MKLN1: variants seen among roughly 807,000 people sequenced by gnomAD.
MKLN1 encodes muskelin 1.
In MKLN1, 18 loss-of-function variants were observed where a neutral mutation model predicts 99.0. The observed-to-expected ratio is 0.18, with a 90% CI of 0.13 to 0.27. MKLN1 has a LOEUF of 0.27. MKLN1 is among the 10% of genes least tolerant of loss of function. MKLN1 has a pLI of 1.00. For missense variants in MKLN1, 621 were observed against 875.9 expected (o/e 0.71, Z 3.67); for synonymous variants, 288 against 293.2 (o/e 0.98, Z 0.18).
At chr7:131,174,274 T>G (rs1184340870) in intron 2 of MKLN1, among the ~76,000 whole-genome samples, 1 of 152,128 alleles carries the variant, frequency 6.6e-6, no homozygotes, top group Admixed American at 6.6e-5. Flanking sequence ...GCCCCACCCT[T>G]TAAAGACTTT....
At chr7:131,112,680 G>A (rs548718602) in intron 1 of MKLN1, among the ~76,000 whole-genome samples, 14 of 152,166 alleles carry the variant, frequency 9.2e-5, no homozygotes, top group East Asian at 1.9e-4. Context: ...TGGGGCTACA[G>A]GTGCACTCAA....
chr7:131,143,024 C>T (rs2116263546), intron 2 of MKLN1: 1 of 981,662 alleles, frequency 1.0e-6, no homozygotes, highest in African/African-American at 1.7e-5. Flanking sequence ...TCAAATTCTT[C>T]TCTCTGGAGT....
chr7:131,451,649 G>A (rs1796181682), intron 12 of MKLN1, among the ~76,000 whole-genome samples: 1 of 152,132 alleles, frequency 6.6e-6, no homozygotes, highest in African/African-American at 2.4e-5. Context: ...TTAAATCAAT[G>A]GATTGGCAGC....
chr7:131,459,468 C>G (rs1017091907), intron 12 of MKLN1, among the ~76,000 whole-genome samples: 2 of 152,142 alleles, frequency 1.3e-5, no homozygotes, highest in African/African-American at 4.8e-5. Flanking sequence ...TGAGGGAAGA[C>G]AGGCAGGAGG....
intron 4 of MKLN1, among the ~76,000 whole-genome samples, chr7:131,392,555 C>T (rs1794225123): frequency 6.6e-6 from 1 of 151,484 alleles, no homozygotes. Context: ...AGTAGATGCA[C>T]TCTTTCAGAA....
chr7:131,412,996 A>G (rs1794921658), intron 7 of MKLN1, among the ~76,000 whole-genome samples: 1 of 152,236 alleles, frequency 6.6e-6, no homozygotes, highest in South Asian at 2.1e-4. Context: ...TAGCAAACAG[A>G]CAGTAATTGT....
chr7:131,232,299 TTAAG>T (rs1226622339), intron 3 of MKLN1, among the ~76,000 whole-genome samples: 2 of 152,230 alleles, frequency 1.3e-5, no homozygotes, highest in Non-Finnish European at 2.9e-5. Flanking sequence ...AGTGATGTTA[TTAAG>T]TTTTTTCATT....
In MKLN1 at chr7:131,322,719, C is replaced by T. The variant is rs370495589; in HGVS notation, c.-178-52705C>T. Among the ~76,000 whole-genome samples the T allele has an allele frequency of 2.4e-4, 37 of 151,490 alleles. No individual in the cohort carries two copies. The East Asian group carries it at 4.8e-3, about 20-fold the overall frequency. On this transcript the variant is annotated intron_variant, in intron 3 of 7. Transcript: ENST00000416992. ...CCGAGTAGCTGGGACTACAGGCGCC[C>T]GCCACCGCGCCCGGCTAATTTTTTG...
intron 4 of MKLN1, among the ~76,000 whole-genome samples, chr7:131,393,616 GT>G (rs969437046): frequency 2.1e-4 from 29 of 139,282 alleles, no homozygotes; most frequent in African/African-American, 9.4e-4. Context: ...AAAGGTTTTT[GT>G]TTTGTTTTGT....
chr7:131,416,457 T>TAACTTTTC (rs1171665012), intron 8 of MKLN1, among the ~76,000 whole-genome samples: 1 of 151,406 alleles, frequency 6.6e-6, no homozygotes, highest in East Asian at 1.9e-4. Flanking sequence ...AATTAAAATC[T>TAACTTTTC]AACTTTTCAG....
intron 3 of MKLN1, among the ~76,000 whole-genome samples, chr7:131,248,824 C>T (rs561169202): frequency 1.4e-4 from 22 of 152,294 alleles, no homozygotes; most frequent in African/African-American, 5.1e-4. Context: ...GGGCACCTGC[C>T]TCTGCTGAGA....
intron 1 of MKLN1, among the ~76,000 whole-genome samples, chr7:131,120,561 A>AAAG (rs1216003186): frequency 7.9e-5 from 12 of 151,228 alleles, no homozygotes; most frequent in Middle Eastern, 3.2e-3. Context: ...AAAAAAAAAA[A>AAAG]AAAAGAAAAA....
At chr7:131,407,514 A>G (rs1794742546) in intron 6 of MKLN1, among the ~76,000 whole-genome samples, 1 of 151,672 alleles carries the variant, frequency 6.6e-6, no homozygotes. Context: ...AATTTTTCCT[A>G]TTTTTAGAAG....
chr7:131,320,544 A>G (rs1000642775), intron 3 of MKLN1, among the ~76,000 whole-genome samples: 3 of 152,376 alleles, frequency 2.0e-5, no homozygotes, highest in Middle Eastern at 3.4e-3. Flanking sequence ...CTAAAACACC[A>G]AAAGCAATTG....
intron 1 of MKLN1, among the ~76,000 whole-genome samples, chr7:131,370,151 T>C (rs1164137560): frequency 6.6e-6 from 1 of 152,254 alleles, no homozygotes. Context: ...AGATTACTTT[T>C]GTATGATATT....
intron 1 of MKLN1, among the ~76,000 whole-genome samples, chr7:131,349,958 T>TTAC (rs1410814080): frequency 2.6e-5 from 4 of 151,954 alleles, no homozygotes; most frequent in Non-Finnish European, 4.4e-5. Flanking sequence ...TTAGAGATAA[T>TTAC]TACTACATGC....
chr7:131,305,772 G>A (rs1009856056), intron 3 of MKLN1, among the ~76,000 whole-genome samples: 1 of 152,116 alleles, frequency 6.6e-6, no homozygotes, highest in African/African-American at 2.4e-5. Context: ...GCTTACCCCT[G>A]GCACATCACA....
rs59463348 is a variant in MKLN1 at position 131,127,165 on chromosome 7, CAAA to C, written c.-418-15640_-418-15638del. On this transcript the variant is annotated intron_variant, in intron 1 of 7. Coordinates refer to the MKLN1 transcript ENST00000416992. ...GGGTGACAAGAGCAAAACTCCATCT[CAAA>C]AAAAAAAAAAAAAAGAAAGAAAAGA... Among the ~76,000 whole-genome samples the C allele has an allele frequency of 4.3e-3, 421 of 98,712 alleles. 3 individuals carry two copies. Among genetic ancestry groups the C allele is most frequent in the African/African-American group, 0.013 (366 of 29,240 alleles). The allele number at this position is 98,712 out of a possible 152,430, so 64.8% of individuals were successfully genotyped here.
chr7:131,304,116 G>T (rs1798419453), intron 3 of MKLN1, among the ~76,000 whole-genome samples: 1 of 152,204 alleles, frequency 6.6e-6, no homozygotes, highest in African/African-American at 2.4e-5. Flanking sequence ...ACTCATGCCA[G>T]TAATCCTAGC....
Sources: gnomAD v4.1 joint callset for allele counts (sites outside exome capture counted in the v4.1 genomes callset) on GRCh38, gnomAD v4.1.1 for gene constraint, MANE v1.5 for transcripts, NCBI Gene and HGNC (gene_info 2026-07-23, HGNC 2026-07-21) for gene names.